SVIL: variants seen among roughly 807,000 people sequenced by gnomAD.
SVIL encodes the protein archvillin.
Under a neutral mutation model 240.4 loss-of-function variants are expected in SVIL, and 101 were observed. The observed-to-expected ratio is 0.42, with a 90% CI of 0.36 to 0.50. The LOEUF (loss-of-function observed/expected upper bound fraction) is 0.50. Among genes scored for constraint, SVIL ranks in the 20% least tolerant of loss-of-function variants. The pLI is 0.01. For synonymous variants in SVIL, 999 were observed against 1,100.0 expected (o/e 0.91, Z 1.82); for missense variants, 2,512 against 2,818.7 (o/e 0.89, Z 2.46).
intron 1 of SVIL, among the ~76,000 whole-genome samples, chr10:29,727,213 GGTTACATCAAGATTCTAT>G (rs1964341510): frequency 6.6e-6 from 1 of 152,144 alleles, no homozygotes; most frequent in Non-Finnish European, 1.5e-5. Context: ...TGAAGTTGAT[GGTTACATCAAGATTCTAT>G]GTCCAGTAAC....
At chr10:29,699,702 C>T (rs896578368) in intron 1 of SVIL, among the ~76,000 whole-genome samples, 1 of 152,222 alleles carries the variant, frequency 6.6e-6, no homozygotes, top group Non-Finnish European at 1.5e-5. Context: ...CAATTCTTTA[C>T]TGAGTGTTAC....
intron 1 of SVIL, 94 bp downstream of exon 1, chr10:29,634,326 A>G (rs1348543753): frequency 1.3e-5 from 2 of 152,144 alleles, no homozygotes; most frequent in African/African-American, 4.8e-5. Flanking sequence ...CTCAGGAAAC[A>G]TGCTCAGACA....
chr10:29,660,522 C>T (rs563281132), intron 2 of SVIL, among the ~76,000 whole-genome samples: 3 of 152,192 alleles, frequency 2.0e-5, no homozygotes, highest in Non-Finnish European at 2.9e-5. Context: ...GTGGGAGGAT[C>T]GCTTGAGCCT....
intron 17 of SVIL, among the ~76,000 whole-genome samples, chr10:29,502,709 A>G (rs1948996640): frequency 6.6e-6 from 1 of 151,934 alleles, no homozygotes; most frequent in Non-Finnish European, 1.5e-5. Context: ...GTGTGTGTGT[A>G]GAAGGCAGTG....
intron 3 of SVIL, chr10:29,657,883 A>G (rs542028085): frequency 9.8e-5 from 15 of 152,342 alleles, no homozygotes; most frequent in African/African-American, 2.9e-4. Flanking sequence ...ACCCTTCACA[A>G]TGTGCTTTAA....
At chr10:29,551,735 C>T (rs571213255) in intron 5 of SVIL, among the ~76,000 whole-genome samples, 1 of 152,004 alleles carries the variant, frequency 6.6e-6, no homozygotes, top group Admixed American at 6.6e-5. Context: ...ACGATATGGC[C>T]CATATCATTA....
At chr10:29,501,375 C>T (rs927634954) in intron 17 of SVIL, among the ~76,000 whole-genome samples, 21 of 150,598 alleles carry the variant, frequency 1.4e-4, no homozygotes, top group African/African-American at 5.1e-4. Flanking sequence ...GGTAGAGGAG[C>T]ACAATGTTTC....
At chr10:29,525,604 A>G (rs1950846191) in intron 13 of SVIL, among the ~76,000 whole-genome samples, 1 of 152,218 alleles carries the variant, frequency 6.6e-6, no homozygotes, top group Admixed American at 6.5e-5. Flanking sequence ...TGTCTCAAAA[A>G]TAAATGAATG....
intron 1 of SVIL, among the ~76,000 whole-genome samples, chr10:29,579,051 G>A (rs909146861): frequency 2.0e-5 from 3 of 152,154 alleles, no homozygotes; most frequent in Admixed American, 6.5e-5. Flanking sequence ...CACCTACTTC[G>A]TTACTATGTG....
chr10:29,703,382 C>T (rs1374379508), intron 1 of SVIL, among the ~76,000 whole-genome samples: 2 of 152,238 alleles, frequency 1.3e-5, no homozygotes, highest in East Asian at 3.8e-4. Flanking sequence ...TCTCCTTCTC[C>T]ACCACCTGGT....
intron 17 of SVIL, among the ~76,000 whole-genome samples, chr10:29,506,657 G>GAGGGAGGGGACAGAGGCCCTAT: frequency 1.1e-5 from 1 of 90,972 alleles, no homozygotes; most frequent in Admixed American, 1.0e-4. Flanking sequence ...CAGAGGCCCT[G>GAGGGAGGGGACAGAGGCCCTAT]GAGGGAGGGG....
intron 6 of SVIL, chr10:29,544,971 C>T (rs768052181): frequency 7.5e-6 from 4 of 533,866 alleles, no homozygotes; most frequent in Non-Finnish European, 1.5e-5. Context: ...ACCCAGATGT[C>T]TGTTCTTTAG....
chr10:29,496,782 C>T lies in SVIL; in HGVS notation c.3665-1601G>A, dbSNP rs547387117. On this transcript the variant is annotated intron_variant, in intron 18 of 37. Transcript: ENST00000355867. Reference sequence around the variant, plus strand: ...TCACAGATGTCAATGTGGACAAGGGCAGTGGCATTTGGTAGTAAGAACCCA... The same window carrying T: ...TCACAGATGTCAATGTGGACAAGGGTAGTGGCATTTGGTAGTAAGAACCCA... Among the ~76,000 whole-genome samples the T allele has an allele frequency of 3.9e-5, 6 of 152,312 alleles. No individual in the cohort carries two copies. The South Asian group carries it at 1.2e-3, about 32-fold the overall frequency.
At chr10:29,541,371 G>A (rs748084174) in intron 6 of SVIL, among the ~76,000 whole-genome samples, 12 of 152,228 alleles carry the variant, frequency 7.9e-5, no homozygotes, top group Non-Finnish European at 1.6e-4. Flanking sequence ...ATCCTGACTG[G>A]GATGATGATT....
At chr10:29,458,376 G>A (rs1486595681) in intron 37 of SVIL, 43 bp from the exon 38 acceptor site, 1 of 1,608,560 alleles carries the variant, frequency 6.2e-7, no homozygotes. Context: ...AGTGAAAGGA[G>A]CCGGGCGTGC....
chr10:29,532,183 C>T lies in SVIL; in HGVS notation c.1839-11G>A. 2 of 1,613,140 alleles carry T rather than the reference C, an allele frequency of 1.2e-6. No individual in the cohort carries two copies. The highest frequency in any genetic ancestry group is 1.7e-6 in the Non-Finnish European group (2 of 1,179,670). ...TCCACCCGTGATTTGCTTTGAGAAT[C>T]AAAGGGCAGAGAGTATAAGGAAGGC... On this transcript the variant is annotated splice_polypyrimidine_tract_variant and intron_variant, in intron 8 of 37. Coordinates refer to ENST00000355867, the MANE Select transcript of SVIL (RefSeq NM_021738.3).
rs200152312 is a variant in SVIL, at chr10:29,587,737, C to T, written c.-200-18425G>A. ...ACTTAGGTGGCATATATTCAATCTC[C>T]GAGACTCCCTGACTTCAAAACAGCA... On this transcript the variant is annotated intron_variant, in intron 1 of 37. Transcript: ENST00000355867. Among the ~76,000 whole-genome samples the T allele has an allele frequency of 4.6e-5, 7 of 152,262 alleles. No homozygotes were observed. The East Asian group carries it at 1.2e-3, about 25-fold the overall frequency.
intron 16 of SVIL, among the ~76,000 whole-genome samples, chr10:29,517,897 C>T (rs962255583): frequency 5.3e-5 from 8 of 152,148 alleles, no homozygotes; most frequent in African/African-American, 1.9e-4. Context: ...AAGGTTTTAT[C>T]CCTAAATAAC....
chr10:29,652,044 T>C (rs1255359201), intron 3 of SVIL, among the ~76,000 whole-genome samples: 1 of 151,830 alleles, frequency 6.6e-6, no homozygotes, highest in African/African-American at 2.4e-5. Context: ...CACACCAGGC[T>C]TACTGATATA....
Sources: allele counts gnomAD v4.1 joint callset (sites outside exome capture counted in the v4.1 genomes callset), GRCh38; gene constraint gnomAD v4.1.1; transcripts MANE v1.5; gene names NCBI Gene and HGNC (gene_info 2026-07-23, HGNC 2026-07-21).